The following MMP26 variants were observed in gnomAD, a reference collection of about 807,000 sequenced individuals.
MMP26 encodes matrix metallopeptidase 26.
Under a neutral mutation model 31.0 loss-of-function variants are expected in MMP26, and 33 were observed. That is an observed-to-expected ratio of 1.06 (90% CI 0.81 to 1.42). The LOEUF (loss-of-function observed/expected upper bound fraction) is 1.42, where lower values mean the gene tolerates loss of function less well. Among genes scored for constraint, MMP26 ranks in the 40% most tolerant of loss-of-function variants. MMP26 has a pLI of 0.00. For synonymous variants in MMP26, 122 were observed against 114.9 expected (o/e 1.06, Z -0.40); for missense variants, 347 against 316.1 (o/e 1.10, Z -0.74).
chr11:4,769,806 C>T (rs778657096), intron 2 of MMP26: 3 of 1,612,756 alleles, frequency 1.9e-6, no homozygotes, highest in South Asian at 2.2e-5. Flanking sequence ...AGGGCAATGG[C>T]ATAAAAACAA....
intron 2 of MMP26, among the ~76,000 whole-genome samples, chr11:4,986,659 T>C (rs1373402012): frequency 6.6e-6 from 1 of 150,884 alleles, no homozygotes; most frequent in African/African-American, 2.4e-5. Context: ...GCCTCCCAAG[T>C]AGCTGGGATT....
intron 2 of MMP26, among the ~76,000 whole-genome samples, chr11:4,791,828 C>T (rs1367487644): frequency 1.3e-5 from 2 of 152,008 alleles, no homozygotes; most frequent in African/African-American, 4.8e-5. Flanking sequence ...CAGATTCCTG[C>T]TTCCCAGTAG....
chr11:4,755,124 A>T (rs1215374819), intron 1 of MMP26, among the ~76,000 whole-genome samples: 1 of 151,988 alleles, frequency 6.6e-6, no homozygotes, highest in African/African-American at 2.4e-5. Context: ...CCATGTCGCT[A>T]TCAGTTTTTT....
chr11:4,858,678 C>A (rs1173791818), intron 2 of MMP26, among the ~76,000 whole-genome samples: 2 of 152,178 alleles, frequency 1.3e-5, no homozygotes, highest in African/African-American at 4.8e-5. Context: ...ATGCCATCCC[C>A]ATCAAGCTAC....
chr11:4,725,835 G>A (rs1315654073), intron 1 of MMP26, among the ~76,000 whole-genome samples: 1 of 152,170 alleles, frequency 6.6e-6, no homozygotes. Context: ...TTCTTATATA[G>A]GGTCCATACT....
intron 2 of MMP26, among the ~76,000 whole-genome samples, chr11:4,850,949 A>G (rs189060523): frequency 0.011 from 1,731 of 151,792 alleles, 24 homozygotes; most frequent in African/African-American, 0.04. Context: ...TAAAAAAGGA[A>G]GATAAATGCA....
At chr11:4,706,534 C>T (rs930294430) in intron 1 of MMP26, among the ~76,000 whole-genome samples, 7 of 139,060 alleles carry the variant, frequency 5.0e-5, no homozygotes, top group African/African-American at 8.0e-5. Flanking sequence ...GCAGTGATTG[C>T]GCCACTGCAC....
chr11:4,916,264 C>T (rs1314149019), intron 2 of MMP26, among the ~76,000 whole-genome samples: 1 of 152,024 alleles, frequency 6.6e-6, no homozygotes, highest in Non-Finnish European at 1.5e-5. Context: ...TTGTTGGGGA[C>T]TTTTCTCTTA....
chr11:4,904,523 C>T (rs980381251), intron 2 of MMP26, among the ~76,000 whole-genome samples: 1 of 152,090 alleles, frequency 6.6e-6, no homozygotes, highest in African/African-American at 2.4e-5. Context: ...TACTGCTCCT[C>T]AGGGTTCTAT....
chr11:4,740,107 CTAAAA>C (rs149019277), intron 1 of MMP26, among the ~76,000 whole-genome samples: 8,824 of 152,032 alleles, frequency 0.058, 861 homozygotes, highest in African/African-American at 0.2. Flanking sequence ...AGTATATTAA[CTAAAA>C]TAAAATCAGT....
intron 2 of MMP26, among the ~76,000 whole-genome samples, chr11:4,776,661 G>GTTCTCATGATAATAAGTGAA (rs1383615189): frequency 6.6e-6 from 1 of 152,100 alleles, no homozygotes; most frequent in Non-Finnish European, 1.5e-5. Context: ...TTCCTGTTGT[G>GTTCTCATGATAATAAGTGAA]TTCTCATGAT....
At chr11:4,822,063 T>A (rs1449074265) in intron 2 of MMP26, 2 of 1,613,910 alleles carry the variant, frequency 1.2e-6, no homozygotes, top group East Asian at 2.2e-5. Context: ...TTGACTGCCC[T>A]TGCATCCTGC....
intron 1 of MMP26, chr11:4,724,195 G>A (rs1189953649): frequency 1.4e-5 from 7 of 511,902 alleles, no homozygotes; most frequent in Non-Finnish European, 2.5e-5. Context: ...AGTGGAGGCA[G>A]GCGATGGGCC....
intron 2 of MMP26, among the ~76,000 whole-genome samples, chr11:4,770,716 A>G (rs1966654): frequency 0.28 from 42,569 of 151,926 alleles, 6,967 homozygotes; most frequent in African/African-American, 0.44. Flanking sequence ...GGTGGCGTGT[A>G]TCTGTAGTCC....
intron 2 of MMP26, among the ~76,000 whole-genome samples, chr11:4,852,295 A>G (rs1175517806): frequency 6.6e-6 from 1 of 152,138 alleles, no homozygotes; most frequent in Non-Finnish European, 1.5e-5. Context: ...TGATAAAACA[A>G]TTGAAAAAAA....
intron 1 of MMP26, among the ~76,000 whole-genome samples, chr11:4,708,254 C>G (rs998425271): frequency 8.5e-5 from 13 of 152,188 alleles, no homozygotes; most frequent in African/African-American, 2.9e-4. Context: ...CCTCTCAATT[C>G]AAAATTTCCA....
At chr11:4,793,785 C>G (rs1400562877) in intron 2 of MMP26, 1 of 152,130 alleles carries the variant, frequency 6.6e-6, no homozygotes, top group African/African-American at 2.4e-5. Flanking sequence ...AATTTTCCCA[C>G]AAAATCTCTG....
chr11:4,905,494 A>G (rs1850871076), intron 2 of MMP26, among the ~76,000 whole-genome samples: 1 of 152,172 alleles, frequency 6.6e-6, no homozygotes, highest in Admixed American at 6.6e-5. Context: ...AAGGAGCTCA[A>G]TCAATTTCCA....
At chr11:4,934,192 A>C (rs980516637) in intron 2 of MMP26, among the ~76,000 whole-genome samples, 1 of 146,556 alleles carries the variant, frequency 6.8e-6, no homozygotes, top group African/African-American at 2.5e-5. Flanking sequence ...TCCCACCAAC[A>C]GTGTAAAAGT....
Sources: allele counts gnomAD v4.1 joint callset (sites outside exome capture counted in the v4.1 genomes callset), GRCh38; gene constraint gnomAD v4.1.1; transcripts MANE v1.5; gene names NCBI Gene and HGNC (gene_info 2026-07-23, HGNC 2026-07-21).